EPHA3: variants seen among roughly 807,000 people sequenced by gnomAD.
EPHA3 encodes the protein ephrin type-A receptor 3.
Under a neutral mutation model 107.1 loss-of-function variants are expected in EPHA3, and 42 were observed. That is an observed-to-expected ratio of 0.39 (90% CI 0.31 to 0.51). The LOEUF (loss-of-function observed/expected upper bound fraction) is 0.51, where lower values mean the gene tolerates loss of function less well. EPHA3 is among the 20% of genes least tolerant of loss of function. EPHA3 has a pLI of 0.78. For synonymous variants in EPHA3, 461 were observed against 424.8 expected (o/e 1.09, Z -1.05); for missense variants, 1,183 against 1,211.2 (o/e 0.98, Z 0.35).
At chr3:89,455,052 GTTA>G (rs1237262507) in intron 15 of EPHA3, among the ~76,000 whole-genome samples, 1 of 152,062 alleles carries the variant, frequency 6.6e-6, no homozygotes, top group Non-Finnish European at 1.5e-5. Flanking sequence ...CTTCTCCAAT[GTTA>G]TTATCTTATT....
intron 3 of EPHA3, among the ~76,000 whole-genome samples, chr3:89,286,162 T>G (rs1418448136): frequency 9.2e-6 from 1 of 108,724 alleles, no homozygotes; most frequent in Non-Finnish European, 2.0e-5. Context: ...GTGTGTGTGT[T>G]TCCATAAACA....
chr3:89,451,771 C>T (rs1282408678), intron 15 of EPHA3, among the ~76,000 whole-genome samples: 1 of 152,036 alleles, frequency 6.6e-6, no homozygotes, highest in African/African-American at 2.4e-5. Flanking sequence ...AATAGTATCC[C>T]GCCCTGTTGT....
chr3:89,271,006 T>G (rs1705654802), intron 3 of EPHA3, among the ~76,000 whole-genome samples: 1 of 152,010 alleles, frequency 6.6e-6, no homozygotes, highest in African/African-American at 2.4e-5. Context: ...TTTTCTTTAA[T>G]CAAGTTAAAA....
At chr3:89,130,996 T>C (rs1181924235) in intron 2 of EPHA3, among the ~76,000 whole-genome samples, 6 of 152,186 alleles carry the variant, frequency 3.9e-5, no homozygotes, top group Admixed American at 6.5e-5. Flanking sequence ...GGAGATATGA[T>C]ACTACATATA....
At position 89,138,133 on chromosome 3, in the gene EPHA3, G is replaced by A. The variant is rs368594646; in HGVS notation, c.153+10860G>A. 3.3e-5 allele frequency among the ~76,000 whole-genome samples: 5 copies of A among 151,854 alleles called. No individual in the cohort carries two copies. The East Asian group carries it at 9.7e-4, about 29-fold the overall frequency. ...TAGTTCATCTCAACCTCTAAATACA[G>A]CACTGTGTATAATTCATGATTAATA... On this transcript the variant is annotated intron_variant, in intron 2 of 16. Transcript: ENST00000336596.
intron 15 of EPHA3, among the ~76,000 whole-genome samples, chr3:89,455,063 A>T (rs1258868990): frequency 6.6e-6 from 1 of 152,216 alleles, no homozygotes; most frequent in East Asian, 1.9e-4. Context: ...TTATTATCTT[A>T]TTCAAATAAA....
At chr3:89,245,735 T>C (rs1705016504) in intron 3 of EPHA3, among the ~76,000 whole-genome samples, 1 of 152,246 alleles carries the variant, frequency 6.6e-6, no homozygotes. Flanking sequence ...GTGTACATTA[T>C]AGACCTGGCC....
At position 89,267,034 on chromosome 3, in the gene EPHA3, CT is replaced by C. The variant is rs573239278; in HGVS notation, c.814+56516del. On this transcript the variant is annotated intron_variant, in intron 3 of 16. Transcript: ENST00000336596. ...GTTTTCTACCACTTCTCATATTATG[CT>C]TGGATGCATTTTTCCTCAGAGAGCA... 5.3e-3 allele frequency among the ~76,000 whole-genome samples: 802 copies of C among 152,038 alleles called. 6 individuals are homozygous for C. The highest frequency in any genetic ancestry group is 0.016 in the African/African-American group (664 of 41,490).
intron 3 of EPHA3, among the ~76,000 whole-genome samples, chr3:89,228,863 T>G (rs2107220830): frequency 6.6e-6 from 1 of 152,052 alleles, no homozygotes; most frequent in African/African-American, 2.4e-5. Context: ...ACATATAAAC[T>G]AAAGATTCAC....
At position 89,319,559 on chromosome 3, in the gene EPHA3, G is replaced by A. The variant is rs1384152908; in HGVS notation, c.815-21357G>A. Among the ~76,000 whole-genome samples the A allele has an allele frequency of 2.0e-5, 3 of 152,024 alleles. No individual in the cohort carries two copies. In the East Asian group the frequency reaches 5.8e-4, roughly 30 times the overall value. Reference sequence around the variant, plus strand: ...ACAGGAGAGCTGCGTAGTCACCAGAGAGCCAGAAAGAGTGGTGAAAAAACT... The same window carrying A: ...ACAGGAGAGCTGCGTAGTCACCAGAAAGCCAGAAAGAGTGGTGAAAAAACT... On this transcript the variant is annotated intron_variant, in intron 3 of 16. Transcript: ENST00000336596.
At chr3:89,457,671 T>C (rs539202973) in intron 15 of EPHA3, among the ~76,000 whole-genome samples, 13 of 152,196 alleles carry the variant, frequency 8.5e-5, no homozygotes, top group East Asian at 1.9e-4. Flanking sequence ...TTCTAGACAT[T>C]TGGGCTTTTA....
intron 5 of EPHA3, among the ~76,000 whole-genome samples, chr3:89,380,502 C>A (rs1201871256): frequency 5.3e-5 from 8 of 152,130 alleles, no homozygotes; most frequent in African/African-American, 1.9e-4. Context: ...TCTGGTGTAA[C>A]AATGCCCTCA....
At chr3:89,313,878 T>C (rs542335747) in intron 3 of EPHA3, among the ~76,000 whole-genome samples, 1 of 151,994 alleles carries the variant, frequency 6.6e-6, no homozygotes, top group South Asian at 2.1e-4. Flanking sequence ...AAAGAAATAT[T>C]CTCTTGTTAT....
chr3:89,395,808 C>A (rs1274963781), intron 5 of EPHA3, 29 bp from the exon 6 acceptor site: 13 of 1,611,606 alleles, frequency 8.1e-6, no homozygotes, highest in Non-Finnish European at 1.0e-5. Context: ...TGCTTCCTTC[C>A]ACCTTCCCCT....
chr3:89,310,920 G>A (rs150685995), intron 3 of EPHA3, among the ~76,000 whole-genome samples: 1,735 of 151,990 alleles, frequency 0.011, 20 homozygotes, highest in African/African-American at 0.038. Context: ...GTGATTTGTT[G>A]CACAGTCTTT....
intron 2 of EPHA3, among the ~76,000 whole-genome samples, chr3:89,158,094 A>C (rs1704846134): frequency 6.6e-6 from 1 of 152,254 alleles, no homozygotes; most frequent in Non-Finnish European, 1.5e-5. Context: ...AATTCATTTG[A>C]ATCTACAAGA....
In EPHA3 at chr3:89,306,157, G is replaced by A. The variant is rs112852901; in HGVS notation, c.815-34759G>A. Among the ~76,000 whole-genome samples, 122 of 152,174 alleles carry A rather than the reference G, an allele frequency of 8.0e-4. 1 individual carries two copies. The Middle Eastern group carries it at 0.01, about 13-fold the overall frequency. On this transcript the variant is annotated intron_variant, in intron 3 of 16. Transcript: ENST00000336596. ...TTAATAATGATTAGTTTCTACCACG[G>A]TGGTACTGGGGAGTTAATATTTCAG...
chr3:89,460,159 A>T (rs1173876076), intron 15 of EPHA3, among the ~76,000 whole-genome samples: 2 of 152,126 alleles, frequency 1.3e-5, no homozygotes, highest in Non-Finnish European at 1.5e-5. Context: ...TTTTGAAGAG[A>T]TGTATGTGTG....
intron 3 of EPHA3, among the ~76,000 whole-genome samples, chr3:89,315,182 T>A: frequency 6.6e-6 from 1 of 151,894 alleles, no homozygotes; most frequent in East Asian, 1.9e-4. Flanking sequence ...TACATATATG[T>A]CATATATATT....
Sources: allele counts gnomAD v4.1 joint callset (sites outside exome capture counted in the v4.1 genomes callset), GRCh38; gene constraint gnomAD v4.1.1; transcripts MANE v1.5; gene names NCBI Gene and HGNC (gene_info 2026-07-23, HGNC 2026-07-21).